Variants in NDC1 observed in about 807,000 individuals in gnomAD.
The protein encoded by NDC1 is NDC1 transmembrane nucleoporin.
NDC1 carries 24 observed loss-of-function variants against 89.8 expected under a neutral mutation model. That is an observed-to-expected ratio of 0.27 (90% confidence interval 0.19 to 0.38). NDC1 has a LOEUF of 0.38. Ranked by LOEUF, NDC1 falls within the 10% of genes least tolerant of loss-of-function variation. The pLI is 1.00. For missense variants in NDC1, 728 were observed against 797.6 expected, an observed-to-expected ratio of 0.91 and a Z score of 1.05; for synonymous variants, 296 against 284.8, an observed-to-expected ratio of 1.04 and a Z score of -0.39.
chr1:53,800,761 T>G lies in NDC1; in HGVS notation c.1154A>C (p.Glu385Ala). 1 of 1,614,096 alleles carries G rather than the reference T, an allele frequency of 6.2e-7. No individual in the cohort carries two copies. Among genetic ancestry groups the G allele is most frequent in the African/African-American group, 1.3e-5 (1 of 75,056 alleles). Residue 385 changes from glutamate (E) to alanine (A), a missense_variant, in exon 11 of 18, where the codon GAA (glutamate) becomes GCA (alanine). Physicochemically the swap from Glu to Ala is moderately radical, Grantham distance 107. Coordinates refer to ENST00000371429, the MANE Select transcript of NDC1 (RefSeq NM_018087.5). Reference protein sequence around the residue: ...GMTQKLILYQEAAATNGRVSS... With the variant: ...GMTQKLILYQAAAATNGRVSS... ...CACTCTCCCATTCGTAGCAGCAGCT[T>G]CTTGATAGAGAATCAGTTTCTGAGT... is the stretch of plus-strand genomic sequence containing the variant.
In NDC1 at chr1:53,803,503, T is replaced by C. The variant is rs148049565; in HGVS notation, c.1066+425A>G. 2.0e-3 allele frequency among the ~76,000 whole-genome samples: 302 copies of C among 152,344 alleles called. 1 individual carries two copies. Among genetic ancestry groups the C allele is most frequent in the African/African-American group, 7.0e-3 (291 of 41,578 alleles). ...GTGTAAGATTTAATTCAATACTTCA[T>C]TTAATGGACTCATTGACATCTGATA... is the stretch of plus-strand genomic sequence containing the variant. On this transcript the variant is annotated intron_variant, in intron 10 of 17. Transcript: ENST00000371429.
At chr1:53,805,314 T>C (rs1212252245) in intron 9 of NDC1, among the ~76,000 whole-genome samples, 1 of 152,048 alleles carries the variant, frequency 6.6e-6, no homozygotes, top group Admixed American at 6.5e-5. Flanking sequence ...AGGAATGCAA[T>C]TGCCTCCACC....
chr1:53,789,368 A>G (rs1557570820), intron 14 of NDC1, among the ~76,000 whole-genome samples, 172 bp from the exon 15 acceptor site: 1 of 152,254 alleles, frequency 6.6e-6, no homozygotes, highest in Non-Finnish European at 1.5e-5. Context: ...TTTAACTATA[A>G]TAAAGCACTC....
Position 53,768,028 on chromosome 1 carries a change from A to G in NDC1, c.1967T>C (p.Val656Ala). 1 of 1,602,848 alleles carries G rather than the reference A, an allele frequency of 6.2e-7. No individual in the cohort carries two copies. The highest frequency in any genetic ancestry group is 8.5e-7 in the Non-Finnish European group (1 of 1,174,456). Residue 656 changes from valine to alanine, a missense_variant, in exon 18 of 18, where the codon GTG (valine) becomes GCG (alanine). By Grantham distance (64) the Val-to-Ala change is moderately conservative. Coordinates refer to ENST00000371429, the MANE Select transcript of NDC1 (RefSeq NM_018087.5). ...TTTCTGATGTTCTGCAGATGCTTGCACAGCACTAAATGAAACATAAATTCA... is the reference window on the plus strand; with the variant it reads ...TTTCTGATGTTCTGCAGATGCTTGCGCAGCACTAAATGAAACATAAATTCA... The part of the protein sequence containing the change: ...TTTFGEHLNA[V>A]QASAEHQKRL...
chr1:53,802,885 AAAGGAGGCAGAGTAGCATAGCAG>A (rs1557578089), intron 10 of NDC1, among the ~76,000 whole-genome samples: 1 of 152,094 alleles, frequency 6.6e-6, no homozygotes, highest in Non-Finnish European at 1.5e-5. Context: ...TTTTTTTTTA[AAAGGAGGCAGAGTAGCATAGCAG>A]AAGGAGGAGT....
chr1:53,806,085 AT>A (rs1165399867), intron 9 of NDC1, among the ~76,000 whole-genome samples: 2 of 152,222 alleles, frequency 1.3e-5, no homozygotes, highest in African/African-American at 4.8e-5. Context: ...AAAAAAAAAA[AT>A]CAATAATATT....
At chr1:53,790,415 T>A (rs1647454285) in intron 14 of NDC1, among the ~76,000 whole-genome samples, 1 of 140,912 alleles carries the variant, frequency 7.1e-6, no homozygotes, top group South Asian at 2.2e-4. Context: ...AAAATAAAAA[T>A]AAAAAAATTG....
At chr1:53,819,755 G>A (rs970513372) in intron 5 of NDC1, among the ~76,000 whole-genome samples, 12 of 152,158 alleles carry the variant, frequency 7.9e-5, no homozygotes, top group Admixed American at 6.5e-4. Flanking sequence ...ACAACCCTCA[G>A]TAAGTCATGC....
At chr1:53,814,908 A>G (rs1034222890) in intron 6 of NDC1, among the ~76,000 whole-genome samples, 1 of 152,244 alleles carries the variant, frequency 6.6e-6, no homozygotes, top group African/African-American at 2.4e-5. Flanking sequence ...TAAATCAGGA[A>G]GAATCAGATA....
chr1:53,794,726 T>G (rs1320872638), intron 13 of NDC1, among the ~76,000 whole-genome samples: 1 of 151,808 alleles, frequency 6.6e-6, no homozygotes, highest in Non-Finnish European at 1.5e-5. Flanking sequence ...ATTAAAAAAA[T>G]TAGGCAGGCA....
chr1:53,818,756 A>C (rs1419244491), intron 6 of NDC1, among the ~76,000 whole-genome samples: 1 of 152,250 alleles, frequency 6.6e-6, no homozygotes, highest in Admixed American at 6.5e-5. Context: ...CTTCTTTTTA[A>C]AGGCTAAATA....
At chr1:53,780,389 A>G (rs904250314) in intron 16 of NDC1, among the ~76,000 whole-genome samples, 1 of 152,138 alleles carries the variant, frequency 6.6e-6, no homozygotes, top group African/African-American at 2.4e-5. Context: ...CTGCATTTCT[A>G]TGCACAGTGG....
At chr1:53,830,416 T>TGCAC (rs755671278) in intron 3 of NDC1, among the ~76,000 whole-genome samples, 1 of 151,914 alleles carries the variant, frequency 6.6e-6, no homozygotes, top group Non-Finnish European at 1.5e-5. Flanking sequence ...ATCGTGCCAC[T>TGCAC]GCACTCCAGC....
chr1:53,797,414 A>G (rs1570187923), intron 11 of NDC1, among the ~76,000 whole-genome samples: 2 of 152,156 alleles, frequency 1.3e-5, no homozygotes, highest in South Asian at 2.1e-4. Flanking sequence ...ACGTCAATTT[A>G]TCTAACTCTA....
intron 14 of NDC1, among the ~76,000 whole-genome samples, chr1:53,790,217 T>A (rs1401830592): frequency 1.3e-5 from 2 of 150,830 alleles, no homozygotes; most frequent in African/African-American, 4.9e-5. Context: ...ATAGAAAAAT[T>A]AGCTGGGCAT....
chr1:53,825,979 A>G (rs763156153), intron 4 of NDC1, 43 bp from the exon 5 acceptor site: 2 of 1,595,446 alleles, frequency 1.3e-6, no homozygotes, highest in African/African-American at 1.3e-5. Context: ...AGTCAGGGAC[A>G]TGTATCACTG....
intron 16 of NDC1, among the ~76,000 whole-genome samples, chr1:53,777,877 A>C (rs1166165653): frequency 1.3e-5 from 2 of 151,904 alleles, no homozygotes; most frequent in East Asian, 3.9e-4. Context: ...CTCCCCACCT[A>C]AATTTTGTTG....
chr1:53,791,236 G>A (rs1054737448), intron 14 of NDC1, among the ~76,000 whole-genome samples: 5 of 152,038 alleles, frequency 3.3e-5, no homozygotes, highest in Admixed American at 2.0e-4. Context: ...TGGCTAACAC[G>A]CTAAAACTCC....
chr1:53,777,894 T>C (rs958859019), intron 16 of NDC1, among the ~76,000 whole-genome samples: 1 of 152,118 alleles, frequency 6.6e-6, no homozygotes, highest in African/African-American at 2.4e-5. Context: ...GTTGTTGCTG[T>C]TGTTGGAGAC....
Sources: allele counts gnomAD v4.1 joint callset (sites outside exome capture counted in the v4.1 genomes callset), GRCh38; gene constraint gnomAD v4.1.1; transcripts MANE v1.5; gene names NCBI Gene and HGNC (gene_info 2026-07-23, HGNC 2026-07-21).